Variants in PLSCR1 observed in about 807,000 individuals in gnomAD.
PLSCR1 encodes the protein PL scramblase 1.
Under a neutral mutation model 37.8 loss-of-function variants are expected in PLSCR1, and 17 were observed. That is an observed-to-expected ratio of 0.45 (90% CI 0.31 to 0.68). The LOEUF (loss-of-function observed/expected upper bound fraction) is 0.68, where lower values mean the gene tolerates loss of function less well. Ranked by LOEUF, PLSCR1 falls within the 30% of genes least tolerant of loss-of-function variation. PLSCR1 has a pLI of 0.06. For missense variants in PLSCR1, 347 were observed against 380.9 expected, an observed-to-expected ratio of 0.91 and a Z score of 0.74; for synonymous variants, 116 against 125.9, an observed-to-expected ratio of 0.92 and a Z score of 0.53.
intron 1 of PLSCR1, among the ~76,000 whole-genome samples, chr3:146,543,512 T>A (rs1273276710): frequency 6.6e-6 from 1 of 152,162 alleles, no homozygotes; most frequent in Non-Finnish European, 1.5e-5. Context: ...CGTTTAAGTG[T>A]CACTTGTAGT....
At chr3:146,523,155 T>C (rs1339821065) in intron 5 of PLSCR1, among the ~76,000 whole-genome samples, 2 of 152,204 alleles carry the variant, frequency 1.3e-5, no homozygotes, top group East Asian at 3.9e-4. Flanking sequence ...TTTGTCTCTG[T>C]GTCTTTTCTT....
At chr3:146,539,739 C>G (rs1312631260) in intron 1 of PLSCR1, among the ~76,000 whole-genome samples, 3 of 152,166 alleles carry the variant, frequency 2.0e-5, no homozygotes, top group African/African-American at 7.2e-5. Flanking sequence ...AAAACTACTG[C>G]AGTATAAAAT....
intron 1 of PLSCR1, among the ~76,000 whole-genome samples, chr3:146,543,113 C>T (rs2609860): frequency 0.27 from 40,593 of 151,768 alleles, 5,628 homozygotes; most frequent in African/African-American, 0.31. Context: ...AGAGGGAACT[C>T]CATAGGTAGA....
intron 3 of PLSCR1, among the ~76,000 whole-genome samples, chr3:146,530,435 C>T (rs1344113494): frequency 6.6e-6 from 1 of 152,138 alleles, no homozygotes; most frequent in Non-Finnish European, 1.5e-5. Context: ...AGGAGGCAGC[C>T]TGCTGTCAGA....
intron 4 of PLSCR1, among the ~76,000 whole-genome samples, chr3:146,526,876 T>C (rs547861459): frequency 7.2e-5 from 11 of 152,312 alleles, no homozygotes; most frequent in Non-Finnish European, 1.0e-4. Flanking sequence ...GCGCAGTGGT[T>C]CACGACTGTA....
chr3:146,518,374 A>G (rs343317), intron 7 of PLSCR1, among the ~76,000 whole-genome samples: 15,623 of 152,256 alleles, frequency 0.1, 1,031 homozygotes, highest in African/African-American at 0.18. Flanking sequence ...AAATACATCC[A>G]CTGAAACACA....
At chr3:146,533,413 T>A in intron 3 of PLSCR1, 57 bp downstream of exon 3, 1 of 803,718 alleles carries the variant, frequency 1.2e-6, no homozygotes, top group Non-Finnish European at 2.0e-6. Context: ...CCACTCTCAC[T>A]CTCTCTCTCT....
In PLSCR1 at chr3:146,516,987, T is replaced by G. The variant is rs768991004; in HGVS notation, c.900+19A>C. On this transcript the variant is annotated intron_variant, in intron 8 of 8. Transcript: ENST00000342435. ...CTAGAGAAAGCATCTATAATCAAGA[T>G]TAATAAGAACAGACTTACAATGAGG... 2.7e-6 allele frequency: 4 copies of G among 1,470,878 alleles called. No homozygotes were observed. In the East Asian group the frequency reaches 1.0e-4, roughly 37 times the overall value. 91.1% of individuals were successfully genotyped at this position (1,470,878 alleles called of 1,614,324 possible).
chr3:146,519,633 C>T (rs971437133), intron 7 of PLSCR1, among the ~76,000 whole-genome samples: 2 of 151,990 alleles, frequency 1.3e-5, no homozygotes, highest in African/African-American at 4.8e-5. Flanking sequence ...AACTAAAATC[C>T]AACATGACCT....
chr3:146,523,434 A>C lies in PLSCR1; in HGVS notation c.356-1381T>G, dbSNP rs144135066. ...GAGGATTGCTGTTTATGTGCTATGA[A>C]ATTTTATATTAAATCAATTGGTTTG... On this transcript the variant is annotated intron_variant, in intron 5 of 8. Transcript: ENST00000342435. 1.5e-3 allele frequency among the ~76,000 whole-genome samples: 221 copies of C among 152,322 alleles called. 1 individual carries two copies. Among genetic ancestry groups the C allele is most frequent in the African/African-American group, 5.1e-3 (214 of 41,564 alleles).
At position 146,537,525 on chromosome 3, in the gene PLSCR1, C is replaced by G. The variant is rs370537355; in HGVS notation, c.-13-960G>C. Among the ~76,000 whole-genome samples, 85 of 152,252 alleles carry G rather than the reference C, an allele frequency of 5.6e-4. No individual in the cohort carries two copies. The South Asian group carries it at 0.017, about 31-fold the overall frequency. Reference sequence around the variant, plus strand: ...ATAAGTCAAGTGATCCCTCTACATGCTCAACTAAAATCAAGACTTCCCAAG... The same window carrying G: ...ATAAGTCAAGTGATCCCTCTACATGGTCAACTAAAATCAAGACTTCCCAAG... On this transcript the variant is annotated intron_variant, in intron 1 of 8. Transcript: ENST00000342435.
chr3:146,517,607 T>C (rs343319), intron 7 of PLSCR1, among the ~76,000 whole-genome samples: 59,897 of 151,960 alleles, frequency 0.39, 12,730 homozygotes, highest in African/African-American at 0.54. Context: ...GGCTTATTAC[T>C]ACCCACTGTG....
intron 7 of PLSCR1, 55 bp from the exon 8 acceptor site, chr3:146,517,222 C>T (rs531753105): frequency 5.9e-6 from 6 of 1,020,528 alleles, no homozygotes; most frequent in Admixed American, 5.8e-5. Flanking sequence ...AGCAAAAGTA[C>T]TTTCAAATTT....
chr3:146,517,846 G>A (rs1394310077), intron 7 of PLSCR1, among the ~76,000 whole-genome samples: 6 of 152,190 alleles, frequency 3.9e-5, no homozygotes, highest in African/African-American at 1.4e-4. Context: ...CCATCATATA[G>A]GGTTGAATGG....
At chr3:146,524,303 T>C (rs1027846638) in intron 5 of PLSCR1, among the ~76,000 whole-genome samples, 1 of 152,176 alleles carries the variant, frequency 6.6e-6, no homozygotes, top group East Asian at 1.9e-4. Context: ...TATTGTCTTC[T>C]GTGTTTTGAA....
At chr3:146,524,184 T>C (rs62272755) in intron 5 of PLSCR1, among the ~76,000 whole-genome samples, 6,359 of 152,326 alleles carry the variant, frequency 0.042, 176 homozygotes, top group East Asian at 0.09. Flanking sequence ...TTACATTAAG[T>C]AGCTTAATCT....
chr3:146,531,626 CTAAT>C (rs947855978), intron 3 of PLSCR1, among the ~76,000 whole-genome samples: 262 of 152,264 alleles, frequency 1.7e-3, no homozygotes, highest in African/African-American at 6.0e-3. Flanking sequence ...TATGTAAAGA[CTAAT>C]TGATTTAAAA....
intron 2 of PLSCR1, among the ~76,000 whole-genome samples, chr3:146,535,147 A>G (rs554443539): frequency 6.6e-6 from 1 of 151,810 alleles, no homozygotes; most frequent in African/African-American, 2.4e-5. Context: ...ATAGATTTCA[A>G]GAAAATATTT....
chr3:146,519,133 A>G (rs748189254), intron 7 of PLSCR1, among the ~76,000 whole-genome samples: 2 of 152,166 alleles, frequency 1.3e-5, no homozygotes, highest in Non-Finnish European at 2.9e-5. Context: ...TAAAAAAACT[A>G]AAGCAAAGAG....
Sources: allele counts gnomAD v4.1 joint callset (sites outside exome capture counted in the v4.1 genomes callset), GRCh38; gene constraint gnomAD v4.1.1; transcripts MANE v1.5; gene names NCBI Gene and HGNC (gene_info 2026-07-23, HGNC 2026-07-21).